MARCHF8: variants seen among roughly 807,000 people sequenced by gnomAD.
MARCHF8 encodes membrane associated ring-CH-type finger 8, also known as E3 ubiquitin-protein ligase MARCHF8.
Under a neutral mutation model 51.6 loss-of-function variants are expected in MARCHF8, and 40 were observed. That is an observed-to-expected ratio of 0.77 (90% confidence interval 0.60 to 1.01). The LOEUF (loss-of-function observed/expected upper bound fraction) is 1.01, where lower values mean the gene tolerates loss of function less well. Ranked by LOEUF, MARCHF8 falls within the 50% of genes least tolerant of loss-of-function variation. The pLI is 0.00. For synonymous variants in MARCHF8, 263 were observed against 280.3 expected, an observed-to-expected ratio of 0.94 and a Z score of 0.62; for missense variants, 685 against 708.6, an observed-to-expected ratio of 0.97 and a Z score of 0.38.
chr10:45,585,870 AT>A (rs1369716626), intron 1 of MARCHF8, among the ~76,000 whole-genome samples: 2 of 152,136 alleles, frequency 1.3e-5, no homozygotes, highest in Non-Finnish European at 2.9e-5. Flanking sequence ...GAGTCCAATC[AT>A]TTTTTTAATC....
intron 1 of MARCHF8, among the ~76,000 whole-genome samples, chr10:45,568,715 C>CAAAAAAA (rs71023130): frequency 2.1e-4 from 16 of 75,576 alleles, no homozygotes; most frequent in African/African-American, 7.9e-4. Context: ...GAGACTGTTT[C>CAAAAAAA]AAAAAAAAAA....
intron 1 of MARCHF8, among the ~76,000 whole-genome samples, chr10:45,543,948 G>C (rs2044088070): frequency 6.6e-6 from 1 of 151,966 alleles, no homozygotes; most frequent in Non-Finnish European, 1.5e-5. Flanking sequence ...TGTGCCTGTA[G>C]TCCTAGCTAT....
At chr10:45,544,486 A>C (rs754752553) in intron 1 of MARCHF8, among the ~76,000 whole-genome samples, 4 of 152,218 alleles carry the variant, frequency 2.6e-5, no homozygotes, top group African/African-American at 7.2e-5. Context: ...CCACCAACTA[A>C]AGAATAGATA....
chr10:45,579,231 G>C (rs1279978890), intron 1 of MARCHF8, among the ~76,000 whole-genome samples: 1 of 152,128 alleles, frequency 6.6e-6, no homozygotes, highest in Non-Finnish European at 1.5e-5. Flanking sequence ...GGGAAAGAGT[G>C]ATAAAGCTAA....
intron 1 of MARCHF8, among the ~76,000 whole-genome samples, chr10:45,556,461 A>G (rs2044252613): frequency 1.3e-5 from 2 of 152,200 alleles, no homozygotes; most frequent in Admixed American, 1.3e-4. Context: ...AAAAGACGCT[A>G]TGAGTGGATG....
intron 1 of MARCHF8, among the ~76,000 whole-genome samples, chr10:45,541,524 CA>C (rs1341907470): frequency 1.6e-4 from 25 of 152,096 alleles, no homozygotes; most frequent in Non-Finnish European, 2.9e-5. Flanking sequence ...ACATATGTAA[CA>C]AACCTGCACG....
intron 2 of MARCHF8, among the ~76,000 whole-genome samples, chr10:45,495,053 G>T (rs943032368): frequency 6.6e-6 from 1 of 151,832 alleles, no homozygotes; most frequent in Non-Finnish European, 1.5e-5. Context: ...CTGAAAGGCA[G>T]AGGTTGCAGT....
chr10:45,463,074 A>C, intron 5 of MARCHF8, 77 bp downstream of exon 5: 1 of 1,459,452 alleles, frequency 6.9e-7, no homozygotes, highest in Non-Finnish European at 9.1e-7. Flanking sequence ...ATTTTCCTGA[A>C]ACTTCACATA....
chr10:45,563,701 T>C (rs2044334931), intron 1 of MARCHF8, among the ~76,000 whole-genome samples: 1 of 152,200 alleles, frequency 6.6e-6, no homozygotes, highest in African/African-American at 2.4e-5. Context: ...TCAATAACCA[T>C]AATCTATGTA....
intron 2 of MARCHF8, among the ~76,000 whole-genome samples, chr10:45,509,189 G>A (rs1203628657): frequency 3.3e-5 from 5 of 152,170 alleles, no homozygotes; most frequent in East Asian, 1.9e-4. Flanking sequence ...TGAGGAAGCC[G>A]ATGGGTTGAT....
chr10:45,481,740 T>C (rs2042891125), intron 3 of MARCHF8, among the ~76,000 whole-genome samples: 1 of 152,224 alleles, frequency 6.6e-6, no homozygotes, highest in Non-Finnish European at 1.5e-5. Flanking sequence ...GTCTCAGGTA[T>C]GTGTTTATCA....
At chr10:45,542,540 T>C (rs1353282105) in intron 1 of MARCHF8, among the ~76,000 whole-genome samples, 1 of 152,072 alleles carries the variant, frequency 6.6e-6, no homozygotes, top group African/African-American at 2.4e-5. Context: ...TGATAATTTA[T>C]AGTATATGTA....
intron 1 of MARCHF8, among the ~76,000 whole-genome samples, chr10:45,557,818 T>C (rs570151679): frequency 1.3e-5 from 2 of 152,150 alleles, no homozygotes; most frequent in Admixed American, 6.5e-5. Context: ...CCCATAACAA[T>C]GATGGAAAGG....
chr10:45,556,114 G>A (rs1222266888), intron 1 of MARCHF8, among the ~76,000 whole-genome samples: 1 of 152,196 alleles, frequency 6.6e-6, no homozygotes, highest in African/African-American at 2.4e-5. Flanking sequence ...AATAGTATGA[G>A]CAAGTGCACA....
At chr10:45,507,481 G>T (rs1312556003) in intron 2 of MARCHF8, among the ~76,000 whole-genome samples, 1 of 152,188 alleles carries the variant, frequency 6.6e-6, no homozygotes, top group Non-Finnish European at 1.5e-5. Context: ...GGAGAACAGA[G>T]ATTACAAGGT....
intron 3 of MARCHF8, among the ~76,000 whole-genome samples, chr10:45,465,934 C>G (rs891446619): frequency 3.9e-5 from 6 of 152,224 alleles, no homozygotes; most frequent in Non-Finnish European, 7.3e-5. Flanking sequence ...ATAACCCTCC[C>G]ATCACTACCT....
intron 2 of MARCHF8, among the ~76,000 whole-genome samples, chr10:45,506,029 A>G (rs2043375727): frequency 6.6e-6 from 1 of 152,228 alleles, no homozygotes; most frequent in Non-Finnish European, 1.5e-5. Context: ...ATAATTTTCT[A>G]CCTCAGAATG....
upstream of MARCHF8, among the ~76,000 whole-genome samples, chr10:45,539,789 A>G (rs185784280): frequency 2.0e-5 from 3 of 152,338 alleles, no homozygotes; most frequent in Non-Finnish European, 2.9e-5. Flanking sequence ...ATATGATTGT[A>G]TATCTAGAAA....
intron 1 of MARCHF8, among the ~76,000 whole-genome samples, chr10:45,582,772 C>A (rs1478093404): frequency 2.0e-5 from 3 of 151,948 alleles, no homozygotes; most frequent in Non-Finnish European, 4.4e-5. Flanking sequence ...ATCCATCTAC[C>A]AAGAATCTGT....
Sources: gnomAD v4.1 joint callset for allele counts (sites outside exome capture counted in the v4.1 genomes callset) on GRCh38, gnomAD v4.1.1 for gene constraint, MANE v1.5 for transcripts, NCBI Gene and HGNC (gene_info 2026-07-23, HGNC 2026-07-21) for gene names.